TMEM132B: variants seen among roughly 807,000 people sequenced by gnomAD.
The protein encoded by TMEM132B is transmembrane protein 132B.
A neutral mutation model predicts 90.8 loss-of-function variants in TMEM132B; 18 were observed. That is an observed-to-expected ratio of 0.20 (90% confidence interval 0.14 to 0.29). The LOEUF (loss-of-function observed/expected upper bound fraction) is 0.29, where lower values mean the gene tolerates loss of function less well. TMEM132B is among the 10% of genes least tolerant of loss of function. The pLI is 1.00. For missense variants in TMEM132B, 1,096 were observed against 1,326.8 expected, an observed-to-expected ratio of 0.83 and a Z score of 2.70; for synonymous variants, 504 against 523.3, an observed-to-expected ratio of 0.96 and a Z score of 0.50.
At chr12:125,200,607 C>G (rs1173336390) in intron 1 of TMEM132B, among the ~76,000 whole-genome samples, 1 of 152,174 alleles carries the variant, frequency 6.6e-6, no homozygotes, top group African/African-American at 2.4e-5. Context: ...TCCCACCCAC[C>G]AGGAATACTG....
rs1887020229 is a variant in TMEM132B, at chr12:125,654,783, C to G, written c.*73C>G. ...ATGCTGGAGCAGTGAGTTTGATCAG[C>G]AATAGGGGATGATTTAACAAAGTTT... On this transcript the variant is annotated 3_prime_UTR_variant, in exon 9 of 9. Coordinates refer to ENST00000682704, the MANE Select transcript of TMEM132B (RefSeq NM_001366854.1). This position sits in a 1 kb window ranked among gnomAD's most constrained non-coding sequence, Gnocchi z 5.8. The G allele has an allele frequency of 1.3e-6, 2 of 1,486,828 alleles. No homozygotes were observed. Among genetic ancestry groups the G allele is most frequent in the Non-Finnish European group, 1.8e-6 (2 of 1,097,698 alleles). The allele number at this position is 1,486,828 out of a possible 1,614,324, so 92.1% of individuals were successfully genotyped here.
At position 125,661,233 on chromosome 12, in the gene TMEM132B, A is replaced by G. The variant is rs1887199519; in HGVS notation, c.*6523A>G. 6.6e-6 allele frequency: 1 copy of G among 152,248 alleles called. No homozygotes were observed. The highest frequency in any genetic ancestry group is 1.5e-5 in the Non-Finnish European group (1 of 68,054). 9.4% of individuals were successfully genotyped at this position (152,248 alleles called of 1,614,324 possible). A position where few individuals can be genotyped will look rare whatever the true frequency, so the allele number is the denominator to read the frequency against. Reference sequence around the variant, plus strand: ...ATTTCACTTAGAGATGCTTCCTCAAAGAGCGTGCCTTTTTCCTCCATCATA... The same window carrying G: ...ATTTCACTTAGAGATGCTTCCTCAAGGAGCGTGCCTTTTTCCTCCATCATA... On this transcript the variant is annotated 3_prime_UTR_variant, in exon 9 of 9. Transcript: ENST00000682704.
At chr12:125,504,054 T>C (rs1882768040) in intron 3 of TMEM132B, among the ~76,000 whole-genome samples, 1 of 152,244 alleles carries the variant, frequency 6.6e-6, no homozygotes, top group Admixed American at 6.5e-5. Context: ...AATCATTGGG[T>C]ATTAATTAAT....
Position 125,583,909 on chromosome 12 carries a change from A to G in TMEM132B, c.1352A>G (p.Lys451Arg). The change falls in exon 5 of 9, where the codon AAA becomes AGA. Residue 451 changes from lysine (K) to arginine (R), a missense_variant. Transcript: ENST00000682704. Reference sequence around the variant, plus strand: ...GGAAAGCCTGTTTCAGTTCCTGTCAAAGTCGTGGGGGTCCAGGAGGATGGT... The same window carrying G: ...GGAAAGCCTGTTTCAGTTCCTGTCAGAGTCGTGGGGGTCCAGGAGGATGGT... ...LTGKPVSVPV[K>R]VVGVQEDGSV... 1 of 1,614,054 alleles carries G rather than the reference A, an allele frequency of 6.2e-7. No homozygotes were observed. The highest frequency in any genetic ancestry group is 8.5e-7 in the Non-Finnish European group (1 of 1,180,010).
intron 5 of TMEM132B, among the ~76,000 whole-genome samples, chr12:125,621,236 G>A (rs183383560): frequency 3.5e-4 from 53 of 152,224 alleles, no homozygotes; most frequent in African/African-American, 7.9e-4. Context: ...TTGGAGAGAC[G>A]GGGAAGACTT....
In TMEM132B at chr12:125,456,034, G is replaced by A. The variant is rs185086383; in HGVS notation, c.1106+40357G>A. Among the ~76,000 whole-genome samples, 29 of 152,280 alleles carry A rather than the reference G, an allele frequency of 1.9e-4. 1 individual carries two copies. The East Asian group carries it at 3.7e-3, about 19-fold the overall frequency. On this transcript the variant is annotated intron_variant, in intron 3 of 8. Transcript: ENST00000682704. ...GCACAGAAGCAGTAAATGAATGAGC[G>A]TGGCTGTGTTTAATAACATTTTAGT...
intron 2 of TMEM132B, among the ~76,000 whole-genome samples, chr12:125,412,836 T>G (rs937919566): frequency 1.2e-4 from 18 of 152,138 alleles, no homozygotes; most frequent in African/African-American, 3.9e-4. Context: ...CTATTTGTGG[T>G]TTGCATAAAT....
intron 6 of TMEM132B, among the ~76,000 whole-genome samples, chr12:125,649,933 G>A (rs1170772096): frequency 6.6e-6 from 1 of 152,136 alleles, no homozygotes; most frequent in Non-Finnish European, 1.5e-5. Context: ...ATGGGCAACA[G>A]GAGAGACACA....
At chr12:125,582,271 A>AATT (rs3042320) in intron 4 of TMEM132B, among the ~76,000 whole-genome samples, 21,030 of 145,650 alleles carry the variant, frequency 0.14, 1,744 homozygotes, top group Admixed American at 0.2. Flanking sequence ...AAGTTTTAGC[A>AATT]ATTATTATTA....
At chr12:125,338,765 A>G (rs1156253487) in intron 1 of TMEM132B, among the ~76,000 whole-genome samples, 1 of 152,148 alleles carries the variant, frequency 6.6e-6, no homozygotes, top group Non-Finnish European at 1.5e-5. Flanking sequence ...TTGTTGAAGT[A>G]TTTTATTTGC....
intron 5 of TMEM132B, among the ~76,000 whole-genome samples, chr12:125,610,492 C>T (rs1885798745): frequency 6.6e-6 from 1 of 151,976 alleles, no homozygotes; most frequent in Admixed American, 6.6e-5. Flanking sequence ...TTTCTGTGTC[C>T]ATTGAGTTGA....
intron 3 of TMEM132B, among the ~76,000 whole-genome samples, chr12:125,419,237 C>T (rs1232010992): frequency 6.6e-6 from 1 of 152,174 alleles, no homozygotes; most frequent in Non-Finnish European, 1.5e-5. Context: ...AGTCAAGATC[C>T]AATCCAGCTG....
chr12:125,324,057 G>C (rs1876496857), intron 1 of TMEM132B, among the ~76,000 whole-genome samples: 1 of 152,132 alleles, frequency 6.6e-6, no homozygotes, highest in African/African-American at 2.4e-5. Context: ...GGCAGGGAAA[G>C]AATGCAAGAG....
intron 3 of TMEM132B, among the ~76,000 whole-genome samples, chr12:125,449,544 C>T (rs565364302): frequency 4.0e-5 from 6 of 151,868 alleles, no homozygotes; most frequent in Non-Finnish European, 7.4e-5. Context: ...CATTTTATTG[C>T]TTTTCTCTAT....
chr12:125,275,815 G>A (rs1263288580), intron 1 of TMEM132B, among the ~76,000 whole-genome samples: 1 of 152,164 alleles, frequency 6.6e-6, no homozygotes, highest in Non-Finnish European at 1.5e-5. Context: ...CTGGGCTCAA[G>A]TAATCTCCCC....
chr12:125,424,818 G>C (rs1880269116), intron 3 of TMEM132B, among the ~76,000 whole-genome samples: 2 of 152,172 alleles, frequency 1.3e-5, no homozygotes, highest in South Asian at 4.1e-4. Flanking sequence ...AGTGGAGACA[G>C]CTGGGGATTT....
At chr12:125,517,327 A>ATTTT (rs56147854) in intron 3 of TMEM132B, among the ~76,000 whole-genome samples, 2 of 28,482 alleles carry the variant, frequency 7.0e-5, no homozygotes, top group Non-Finnish European at 1.5e-4. Flanking sequence ...TGCCCTGCTG[A>ATTTT]TTTTTTTTTT....
rs902528059 is a variant in TMEM132B at position 125,654,766 on chromosome 12, G to A, written c.*56G>A. 2.6e-6 allele frequency: 4 copies of A among 1,554,452 alleles called. No homozygotes were observed. Among genetic ancestry groups the A allele is most frequent in the African/African-American group, 1.4e-5 (1 of 72,868 alleles). On this transcript the variant is annotated 3_prime_UTR_variant, in exon 9 of 9. Coordinates refer to ENST00000682704, the MANE Select transcript of TMEM132B (RefSeq NM_001366854.1). This position sits in a 1 kb window ranked among gnomAD's most constrained non-coding sequence, Gnocchi z 5.8. ...TGCCTTCTGTTTTTTGAATGCTGGA[G>A]CAGTGAGTTTGATCAGCAATAGGGG...
rs528561442 is a variant in TMEM132B, at chr12:125,412,424, T to A, written c.960-3107T>A. Among the ~76,000 whole-genome samples the A allele has an allele frequency of 6.6e-5, 10 of 152,306 alleles. 1 individual carries two copies. The South Asian group carries it at 2.1e-3, about 32-fold the overall frequency. ...ACTGAGGCATTTGTCAGGCAATAAA[T>A]GATGCAATGTGTGTCATAAAAGAAA... On this transcript the variant is annotated intron_variant, in intron 2 of 8. Transcript: ENST00000682704.
Sources: gnomAD v4.1 joint callset for allele counts (sites outside exome capture counted in the v4.1 genomes callset) on GRCh38, gnomAD v4.1.1 for gene constraint, Gnocchi (gnomAD v3.1) non-coding constraint, MANE v1.5 for transcripts, NCBI Gene and HGNC (gene_info 2026-07-23, HGNC 2026-07-21) for gene names.